SLC14A2: variants seen among roughly 807,000 people sequenced by gnomAD.
SLC14A2 encodes solute carrier family 14 member 2.
SLC14A2 carries 91 observed loss-of-function variants against 104.6 expected under a neutral mutation model. The observed-to-expected ratio is 0.87, with a 90% confidence interval of 0.73 to 1.04. The LOEUF (loss-of-function observed/expected upper bound fraction) is 1.04. Ranked by LOEUF, SLC14A2 falls within the 50% of genes least tolerant of loss-of-function variation. SLC14A2 has a pLI of 0.00. For synonymous variants in SLC14A2, 476 were observed against 466.4 expected (o/e 1.02, Z -0.27); for missense variants, 1,189 against 1,156.0 (o/e 1.03, Z -0.41).
the SLC14A2 span, chr18:45,168,657 A>C: frequency 6.6e-6 from 1 of 152,200 alleles, no homozygotes; most frequent in Admixed American, 6.5e-5. Flanking sequence ...AAAATTTACT[A>C]TATTGTGATC....
chr18:45,504,421 C>T (rs1483169886), intron 2 of SLC14A2, among the ~76,000 whole-genome samples: 1 of 152,178 alleles, frequency 6.6e-6, no homozygotes, highest in Admixed American at 6.5e-5. Flanking sequence ...AGACCACAGC[C>T]ATATGGTAAG....
At chr18:45,326,863 T>G (rs1262717749) in intron 1 of SLC14A2, among the ~76,000 whole-genome samples, 1 of 152,176 alleles carries the variant, frequency 6.6e-6, no homozygotes, top group African/African-American at 2.4e-5. Flanking sequence ...TAGTCTAGAT[T>G]TTAGTAGAGG....
At chr18:45,333,557 T>C (rs149429639) in intron 1 of SLC14A2, among the ~76,000 whole-genome samples, 2,348 of 152,308 alleles carry the variant, frequency 0.015, 41 homozygotes, top group Non-Finnish European at 0.025. Flanking sequence ...TTGAGAAATA[T>C]TGTAGAGTCA....
At chr18:45,606,788 T>A (rs1364234851) in intron 2 of SLC14A2, among the ~76,000 whole-genome samples, 9 of 148,168 alleles carry the variant, frequency 6.1e-5, no homozygotes, top group Non-Finnish European at 1.2e-4. Flanking sequence ...CTGCAAGGAA[T>A]GCTAAGAAAT....
chr18:45,372,103 G>A (rs1298266900), intron 1 of SLC14A2, among the ~76,000 whole-genome samples: 1 of 152,050 alleles, frequency 6.6e-6, no homozygotes, highest in Admixed American at 6.5e-5. Context: ...CCTGAGGTTG[G>A]GAGTTCAAGA....
intron 6 of SLC14A2, 61 bp from the exon 7 acceptor site, chr18:45,639,685 T>G: frequency 7.0e-6 from 11 of 1,568,552 alleles, no homozygotes; most frequent in South Asian, 1.1e-5. Flanking sequence ...AATCTGGCCC[T>G]GAGTCTGGTT....
the SLC14A2 span, among the ~76,000 whole-genome samples, chr18:45,172,871 A>G: frequency 6.6e-6 from 1 of 152,218 alleles, no homozygotes; most frequent in South Asian, 2.1e-4. Flanking sequence ...TGGCACTTTT[A>G]CTGTTAAATA....
At chr18:45,640,381 G>T (rs2045503631) in intron 7 of SLC14A2, among the ~76,000 whole-genome samples, 1 of 152,152 alleles carries the variant, frequency 6.6e-6, no homozygotes. Flanking sequence ...CAGGGGTAGG[G>T]GCGGGAGCAG....
At chr18:45,489,505 T>C (rs2087678975) in intron 2 of SLC14A2, among the ~76,000 whole-genome samples, 1 of 152,156 alleles carries the variant, frequency 6.6e-6, no homozygotes, top group South Asian at 2.1e-4. Flanking sequence ...AGCAAGACTC[T>C]GTCTCAAAAA....
intron 1 of SLC14A2, among the ~76,000 whole-genome samples, chr18:45,391,304 C>T (rs995320169): frequency 2.1e-4 from 32 of 152,166 alleles, no homozygotes; most frequent in Non-Finnish European, 3.1e-4. Flanking sequence ...ATGTGCCACA[C>T]TTTCTTAATC....
chr18:45,195,159 C>T, the SLC14A2 span, among the ~76,000 whole-genome samples: 8 of 152,092 alleles, frequency 5.3e-5, no homozygotes, highest in Admixed American at 2.6e-4. Flanking sequence ...TAATGAGGGA[C>T]GAAGTATCTG....
Position 45,623,878 on chromosome 18 carries a change from G to A in SLC14A2, c.-34-753G>A, listed in dbSNP as rs141157186. Among the ~76,000 whole-genome samples the A allele has an allele frequency of 1.9e-3, 292 of 152,318 alleles. 4 individuals carry two copies. Among genetic ancestry groups the A allele is most frequent in the African/African-American group, 6.8e-3 (282 of 41,558 alleles). Reference sequence around the variant, plus strand: ...TAAATAAAAAGATATAACTGAGCTGGAGGAGGCTAGAGAAGAAATGCACAA... The same window carrying A: ...TAAATAAAAAGATATAACTGAGCTGAAGGAGGCTAGAGAAGAAATGCACAA... On this transcript the variant is annotated intron_variant, in intron 1 of 19. Coordinates refer to ENST00000255226, the MANE Select transcript of SLC14A2 (RefSeq NM_007163.4).
At chr18:45,415,272 G>A (rs1030703450) in intron 1 of SLC14A2, among the ~76,000 whole-genome samples, 1 of 151,930 alleles carries the variant, frequency 6.6e-6, no homozygotes, top group African/African-American at 2.4e-5. Context: ...GGGGTCAGGG[G>A]GTGTGTTTCT....
intron 1 of SLC14A2, among the ~76,000 whole-genome samples, chr18:45,262,677 G>T (rs186017010): frequency 2.0e-5 from 3 of 152,212 alleles, no homozygotes; most frequent in Admixed American, 1.3e-4. Context: ...ACCCTGGATG[G>T]GGGAGCCACT....
intron 2 of SLC14A2, among the ~76,000 whole-genome samples, chr18:45,589,530 C>T (rs1201576245): frequency 6.6e-6 from 1 of 151,440 alleles, no homozygotes; most frequent in Non-Finnish European, 1.5e-5. Flanking sequence ...CCTCCCCACT[C>T]CCCTTTTTTT....
chr18:45,472,890 A>G (rs1017025268), intron 1 of SLC14A2, among the ~76,000 whole-genome samples: 11 of 151,974 alleles, frequency 7.2e-5, no homozygotes, highest in African/African-American at 2.7e-4. Flanking sequence ...ATTAGATCCC[A>G]TTTGTCAATT....
At chr18:45,397,402 G>A (rs535772524) in intron 1 of SLC14A2, among the ~76,000 whole-genome samples, 1 of 152,202 alleles carries the variant, frequency 6.6e-6, no homozygotes, top group Non-Finnish European at 1.5e-5. Flanking sequence ...ACTTGCATTT[G>A]TCTAATGCTC....
rs117617900 is a variant in SLC14A2, at chr18:45,413,236, G to A, written c.-124-69997G>A. On this transcript the variant is annotated intron_variant, in intron 1 of 20. Transcript: ENST00000586448. ...GATCTACAGAGAAAGGGCATCGGGA[G>A]GTTTTCTTAAGCAAATTTGTTGCGG... Among the ~76,000 whole-genome samples, 6 of 152,238 alleles carry A rather than the reference G, an allele frequency of 3.9e-5. No homozygotes were observed. The East Asian group carries it at 7.7e-4, about 20-fold the overall frequency.
At chr18:45,285,638 G>C (rs8085524) in intron 1 of SLC14A2, among the ~76,000 whole-genome samples, 4 of 145,862 alleles carry the variant, frequency 2.7e-5, no homozygotes, top group Non-Finnish European at 6.0e-5. Flanking sequence ...GGCTGGTCTC[G>C]AACTCCTGAC....
Sources: gnomAD v4.1 joint callset for allele counts (sites outside exome capture counted in the v4.1 genomes callset) on GRCh38, gnomAD v4.1.1 for gene constraint, MANE v1.5 for transcripts, NCBI Gene and HGNC (gene_info 2026-07-23, HGNC 2026-07-21) for gene names.